Variants in SUCLG2 observed in about 807,000 individuals in gnomAD.
SUCLG2 encodes succinate-CoA ligase GDP-forming subunit beta.
Under a neutral mutation model 47.9 loss-of-function variants are expected in SUCLG2, and 42 were observed. The ratio of observed to expected loss-of-function variants is 0.88; its 90% CI spans 0.69 to 1.14. The LOEUF is 1.14. SUCLG2 is among the 50% of genes most tolerant of loss of function. The pLI is 0.00. For synonymous variants in SUCLG2, 195 were observed against 197.3 expected, an observed-to-expected ratio of 0.99 and a Z score of 0.10; for missense variants, 571 against 525.9, an observed-to-expected ratio of 1.09 and a Z score of -0.84.
intron 9 of SUCLG2, among the ~76,000 whole-genome samples, chr3:67,470,596 GC>G (rs1289966429): frequency 2.0e-5 from 3 of 152,106 alleles, no homozygotes; most frequent in Non-Finnish European, 4.4e-5. Flanking sequence ...GATAAGTTCA[GC>G]CCCCATTTTC....
intron 9 of SUCLG2, among the ~76,000 whole-genome samples, chr3:67,453,265 T>C (rs535719112): frequency 6.6e-6 from 1 of 152,196 alleles, no homozygotes; most frequent in African/African-American, 2.4e-5. Flanking sequence ...TTATTGATAG[T>C]CTAAAACAAA....
chr3:67,585,953 C>G (rs1352372595), intron 2 of SUCLG2, among the ~76,000 whole-genome samples: 1 of 102,560 alleles, frequency 9.8e-6, no homozygotes, highest in African/African-American at 4.2e-5. Flanking sequence ...GGCAAAAGAG[C>G]AAGACTCCAT....
intron 10 of SUCLG2, among the ~76,000 whole-genome samples, chr3:67,391,780 G>A (rs1244007640): frequency 6.6e-6 from 1 of 152,166 alleles, no homozygotes; most frequent in African/African-American, 2.4e-5. Context: ...CCAGTTCTGT[G>A]TCTGATGATG....
intron 2 of SUCLG2, among the ~76,000 whole-genome samples, chr3:67,583,492 A>G (rs1220645327): frequency 6.6e-6 from 1 of 152,184 alleles, no homozygotes. Context: ...GTTTTAGTTT[A>G]CTTTTGCTGT....
chr3:67,430,767 G>T (rs1703456612), intron 9 of SUCLG2, among the ~76,000 whole-genome samples: 1 of 151,942 alleles, frequency 6.6e-6, no homozygotes, highest in Non-Finnish European at 1.5e-5. Context: ...TGATAAAGGG[G>T]ATATGACCAC....
intron 10 of SUCLG2, among the ~76,000 whole-genome samples, chr3:67,364,366 TC>T (rs891434747): frequency 1.3e-5 from 2 of 151,460 alleles, no homozygotes; most frequent in African/African-American, 2.4e-5. Flanking sequence ...TAAAGAGGCA[TC>T]CCCCCCAACT....
At chr3:67,393,413 T>C (rs1311022560) in intron 10 of SUCLG2, among the ~76,000 whole-genome samples, 2 of 152,216 alleles carry the variant, frequency 1.3e-5, no homozygotes, top group Non-Finnish European at 2.9e-5. Flanking sequence ...GGAGTCTCAC[T>C]GATTGCTAGC....
At chr3:67,652,140 G>C (rs1701296662) in intron 1 of SUCLG2, among the ~76,000 whole-genome samples, 3 of 144,220 alleles carry the variant, frequency 2.1e-5, no homozygotes, top group South Asian at 2.2e-4. Flanking sequence ...AGTCAAAACA[G>C]TAAAGCTAAC....
chr3:67,415,562 A>G (rs1278355803), intron 9 of SUCLG2, among the ~76,000 whole-genome samples: 1 of 152,082 alleles, frequency 6.6e-6, no homozygotes, highest in Admixed American at 6.6e-5. Context: ...CCCTCATGTG[A>G]CTCCAGATCT....
At chr3:67,477,177 C>T (rs1207846128) in intron 9 of SUCLG2, among the ~76,000 whole-genome samples, 1 of 152,126 alleles carries the variant, frequency 6.6e-6, no homozygotes, top group Non-Finnish European at 1.5e-5. Context: ...TCAAAAGTCC[C>T]GATGCCTCAC....
intron 1 of SUCLG2, among the ~76,000 whole-genome samples, chr3:67,638,587 C>A (rs116502737): frequency 4.6e-5 from 7 of 152,128 alleles, no homozygotes; most frequent in African/African-American, 1.4e-4. Flanking sequence ...AGTGGACAAT[C>A]GAACATAATT....
At position 67,538,274 on chromosome 3, in the gene SUCLG2, A is replaced by G. The variant is rs1292516529; in HGVS notation, c.227-9088T>C. Among the ~76,000 whole-genome samples the G allele has an allele frequency of 2.0e-5, 3 of 152,292 alleles. No individual in the cohort carries two copies. The East Asian group carries it at 5.8e-4, about 29-fold the overall frequency. On this transcript the variant is annotated intron_variant, in intron 2 of 10. Coordinates refer to ENST00000307227, the MANE Select transcript of SUCLG2 (RefSeq NM_003848.4). ...AGGCGTAAGGAAGGGGTCCAGTTTC[A>G]GTTTTCTGCATATGGCTTACCAATT...
intron 9 of SUCLG2, among the ~76,000 whole-genome samples, chr3:67,481,037 A>C (rs1704900795): frequency 6.6e-6 from 1 of 152,110 alleles, no homozygotes; most frequent in Non-Finnish European, 1.5e-5. Flanking sequence ...TTTTTTTACA[A>C]ACATATCATC....
At chr3:67,570,828 T>C (rs1442972771) in intron 2 of SUCLG2, among the ~76,000 whole-genome samples, 1 of 152,216 alleles carries the variant, frequency 6.6e-6, no homozygotes, top group East Asian at 1.9e-4. Flanking sequence ...CTTTGACTGA[T>C]CTGATTTCAT....
intron 9 of SUCLG2, among the ~76,000 whole-genome samples, chr3:67,488,118 TA>T (rs1402234354): frequency 2.4e-4 from 37 of 151,790 alleles, no homozygotes; most frequent in Admixed American, 2.3e-3. Flanking sequence ...TGTATATATA[TA>T]TATTTTTTAA....
intron 10 of SUCLG2, among the ~76,000 whole-genome samples, chr3:67,369,598 G>A (rs185320255): frequency 2.0e-4 from 31 of 152,328 alleles, no homozygotes; most frequent in Admixed American, 1.7e-3. Context: ...GATGGGAGCC[G>A]TTCCGCTGGG....
chr3:67,585,278 C>A (rs1430960813), intron 2 of SUCLG2, among the ~76,000 whole-genome samples: 3 of 152,102 alleles, frequency 2.0e-5, no homozygotes, highest in South Asian at 4.1e-4. Context: ...TCCAATTGAT[C>A]CCACCAATCC....
intron 9 of SUCLG2, among the ~76,000 whole-genome samples, chr3:67,419,210 A>T (rs934166107): frequency 3.3e-5 from 5 of 152,200 alleles, no homozygotes; most frequent in African/African-American, 1.2e-4. Context: ...GTTGAGAGGA[A>T]CAAATTAAAA....
At chr3:67,461,081 C>G (rs1228723855) in intron 9 of SUCLG2, among the ~76,000 whole-genome samples, 2 of 152,288 alleles carry the variant, frequency 1.3e-5, no homozygotes, top group Non-Finnish European at 2.9e-5. Context: ...GAAAGACATT[C>G]CAATTACATG....
Sources: allele counts gnomAD v4.1 joint callset (sites outside exome capture counted in the v4.1 genomes callset), GRCh38; gene constraint gnomAD v4.1.1; transcripts MANE v1.5; gene names NCBI Gene and HGNC (gene_info 2026-07-23, HGNC 2026-07-21).